SLFN5: variants seen among roughly 807,000 people sequenced by gnomAD.
SLFN5 encodes the protein schlafen family member 5.
SLFN5 carries 34 observed loss-of-function variants against 48.5 expected under a neutral mutation model. That is an observed-to-expected ratio of 0.70 (90% CI 0.53 to 0.93). SLFN5 has a LOEUF of 0.93. SLFN5 is among the 40% of genes least tolerant of loss of function. The pLI is 0.00. For synonymous variants in SLFN5, 387 were observed against 396.2 expected, an observed-to-expected ratio of 0.98 and a Z score of 0.28; for missense variants, 1,006 against 1,071.3, an observed-to-expected ratio of 0.94 and a Z score of 0.85.
intron 1 of SLFN5, among the ~76,000 whole-genome samples, chr17:35,249,482 T>A (rs1044372820): frequency 2.6e-5 from 4 of 152,190 alleles, no homozygotes; most frequent in Admixed American, 1.3e-4. Context: ...GTCAACTTCA[T>A]CAATTTCTGG....
At chr17:35,253,697 T>G (rs1418034785) in intron 1 of SLFN5, among the ~76,000 whole-genome samples, 5 of 63,950 alleles carry the variant, frequency 7.8e-5, no homozygotes, top group Admixed American at 1.5e-4. Flanking sequence ...ACAGTTTTTT[T>G]TTTTTTTTTT....
chr17:35,243,625 C>G (rs11654912), intron 1 of SLFN5, among the ~76,000 whole-genome samples: 123 of 152,316 alleles, frequency 8.1e-4, no homozygotes, highest in Admixed American at 1.4e-3. Flanking sequence ...CGTCAGTCTT[C>G]AAACTGTAAC....
rs150178094 is a variant in SLFN5 at position 35,258,407 on chromosome 17, C to T, written c.-40-244C>T. On this transcript the variant is annotated intron_variant, in intron 1 of 4. Transcript: ENST00000299977. Reference sequence around the variant, plus strand: ...CATCAGACCTCGTGAGACTTATTCACTACCATGAGAACAAAATGGGGGAAA... The same window carrying T: ...CATCAGACCTCGTGAGACTTATTCATTACCATGAGAACAAAATGGGGGAAA... Among the ~76,000 whole-genome samples, 5 of 152,276 alleles carry T rather than the reference C, an allele frequency of 3.3e-5. No individual in the cohort carries two copies. In the East Asian group the frequency reaches 7.7e-4, roughly 23 times the overall value.
intron 1 of SLFN5, among the ~76,000 whole-genome samples, chr17:35,250,036 AG>A (rs1376282834): frequency 6.6e-6 from 1 of 152,344 alleles, no homozygotes; most frequent in East Asian, 1.9e-4. Flanking sequence ...TTATATGCAA[AG>A]GTCCTCTCCT....
intron 1 of SLFN5, 42 bp from the exon 2 acceptor site, chr17:35,258,609 A>C: frequency 6.6e-7 from 1 of 1,512,078 alleles, no homozygotes; most frequent in South Asian, 1.3e-5. Context: ...TGCCTCTCCT[A>C]TTCTTGTCCT....
intron 2 of SLFN5, chr17:35,259,956 G>T: frequency 2.2e-6 from 1 of 459,578 alleles, no homozygotes; most frequent in Non-Finnish European, 3.9e-6. Flanking sequence ...GGTGCAGGGG[G>T]CTGTTTGACC....
In SLFN5 at chr17:35,266,177, T is replaced by TGTGTGTGTGCGC. The variant is rs35160124; in HGVS notation, c.*290_*291insTGTGTGTGCGCG. The TGTGTGTGTGCGC allele has an allele frequency of 0.053, 9,154 of 172,858 alleles. 255 individuals carry two copies. The highest frequency in any genetic ancestry group is 0.06 in the Non-Finnish European group (5,119 of 84,884). 10.7% of individuals were successfully genotyped at this position (172,858 alleles called of 1,614,324 possible). On this transcript the variant is annotated 3_prime_UTR_variant, in exon 5 of 5. Coordinates refer to ENST00000299977, the MANE Select transcript of SLFN5 (RefSeq NM_144975.4). ...GTGTGTGTGTGTGTGTGTGTGTGTG[T>TGTGTGTGTGCGC]GCGCGCGCGCACGTGCACATGTGTG... is the stretch of plus-strand genomic sequence containing the variant.
intron 3 of SLFN5, 104 bp from the exon 4 acceptor site, chr17:35,264,079 G>C: frequency 7.5e-7 from 1 of 1,338,076 alleles, no homozygotes; most frequent in Non-Finnish European, 1.0e-6. Context: ...ACCTATTGTA[G>C]ATACATAGTA....
chr17:35,265,226 G>T lies in SLFN5; in HGVS notation c.2014G>T (p.Ala672Ser), dbSNP rs778901813. ...YGKAKFITQT[A>S]RDGPGVLWIF... The stretch of plus-strand genomic sequence containing the variant: ...GAAAGCAAAGTTCATCACTCAGACA[G>T]CAAGGGATGGCCCAGGAGTTCTCTG... Residue 672 changes from alanine (A) to serine (S), a missense_variant, in exon 5 of 5, where the codon GCA (alanine) becomes TCA (serine). Coordinates refer to ENST00000299977, the MANE Select transcript of SLFN5 (RefSeq NM_144975.4). The T allele has an allele frequency of 3.7e-6, 6 of 1,614,226 alleles. No homozygotes were observed. Among genetic ancestry groups the T allele is most frequent in the South Asian group, 1.1e-5 (1 of 91,086 alleles).
At chr17:35,260,920 A>C in intron 2 of SLFN5, 51 bp from the exon 3 acceptor site, 2 of 1,605,142 alleles carry the variant, frequency 1.2e-6, no homozygotes, top group Non-Finnish European at 1.7e-6. Context: ...CTCAGCTATA[A>C]GTTGGGGTCT....
chr17:35,253,062 G>A (rs943637466), intron 1 of SLFN5, among the ~76,000 whole-genome samples: 2 of 152,154 alleles, frequency 1.3e-5, no homozygotes, highest in East Asian at 3.9e-4. Context: ...CACAATTTTG[G>A]TGGCTGGGAA....
At chr17:35,243,959 A>G (rs1288841020) in intron 1 of SLFN5, among the ~76,000 whole-genome samples, 2 of 152,222 alleles carry the variant, frequency 1.3e-5, no homozygotes, top group Non-Finnish European at 2.9e-5. Context: ...TTATGAGACC[A>G]GGAAGTAAGG....
chr17:35,252,151 G>A (rs1025133080), intron 1 of SLFN5, among the ~76,000 whole-genome samples: 2 of 152,076 alleles, frequency 1.3e-5, no homozygotes, highest in Non-Finnish European at 2.9e-5. Flanking sequence ...GCTGAGCGGT[G>A]GGGCATGGTG....
In SLFN5 at chr17:35,265,312, A is replaced by C. The variant is rs1378835651; in HGVS notation, c.2100A>C (p.Ser700=). 24 of 1,613,990 alleles carry C rather than the reference A, an allele frequency of 1.5e-5. No individual in the cohort carries two copies. Among genetic ancestry groups the C allele is most frequent in the Admixed American group, 3.3e-5 (2 of 60,004 alleles). ...HLSCSGLPPP[S]DQYPREEINR... is the part of the protein sequence containing the mutation. The stretch of plus-strand genomic sequence containing the variant: ...GTTGCAGTGGCCTCCCCCCTCCCTC[A>C]GACCAGTATCCAAGAGAAGAGATCA... The change falls in exon 5 of 5, where the codon TCA becomes TCC. Residue 700 remains serine (S), a synonymous_variant. Coordinates refer to ENST00000299977, the MANE Select transcript of SLFN5 (RefSeq NM_144975.4).
At chr17:35,252,446 G>T (rs547545766) in intron 1 of SLFN5, among the ~76,000 whole-genome samples, 1 of 151,918 alleles carries the variant, frequency 6.6e-6, no homozygotes, top group Non-Finnish European at 1.5e-5. Flanking sequence ...AAACCAAAAA[G>T]GACAGCTGAG....
intron 1 of SLFN5, among the ~76,000 whole-genome samples, chr17:35,247,434 TC>T (rs2092433389): frequency 6.6e-6 from 1 of 152,176 alleles, no homozygotes; most frequent in African/African-American, 2.4e-5. Flanking sequence ...CCTTGCAGGT[TC>T]CACCAAGGTA....
At chr17:35,253,723 A>G (rs1282662232) in intron 1 of SLFN5, among the ~76,000 whole-genome samples, 18 of 81,142 alleles carry the variant, frequency 2.2e-4, no homozygotes, top group East Asian at 9.4e-4. Context: ...TTTGAGATGG[A>G]GTCTCACTCT....
chr17:35,249,799 G>T (rs561456471), intron 1 of SLFN5, among the ~76,000 whole-genome samples: 2 of 152,240 alleles, frequency 1.3e-5, no homozygotes, highest in South Asian at 2.1e-4. Context: ...ATACACCTTT[G>T]CTTTCTCTAT....
At chr17:35,243,339 G>A (rs982740390) in intron 1 of SLFN5, among the ~76,000 whole-genome samples, 196 bp downstream of exon 1, 1 of 152,224 alleles carries the variant, frequency 6.6e-6, no homozygotes, top group Admixed American at 6.5e-5. Flanking sequence ...ACGACAGCTA[G>A]TGGCAGAGGA....
Sources: gnomAD v4.1 joint callset for allele counts (sites outside exome capture counted in the v4.1 genomes callset) on GRCh38, gnomAD v4.1.1 for gene constraint, MANE v1.5 for transcripts, NCBI Gene and HGNC (gene_info 2026-07-23, HGNC 2026-07-21) for gene names.